Variants in ANO4 observed in about 807,000 individuals in gnomAD.
ANO4 encodes the protein anoctamin-4.
In ANO4, 69 loss-of-function variants were observed where a neutral mutation model predicts 141.9. The observed-to-expected ratio is 0.49, with a 90% CI of 0.40 to 0.59. ANO4 has a LOEUF of 0.59. Among genes scored for constraint, ANO4 ranks in the 20% least tolerant of loss-of-function variants. ANO4 has a pLI of 0.00. For missense variants in ANO4, 894 were observed against 1,162.2 expected, an observed-to-expected ratio of 0.77 and a Z score of 3.36; for synonymous variants, 350 against 394.3, an observed-to-expected ratio of 0.89 and a Z score of 1.33.
intron 1 of ANO4, 49 bp downstream of exon 1, chr12:100,795,076 C>A (rs1478953160): frequency 2.6e-5 from 4 of 152,712 alleles, no homozygotes; most frequent in African/African-American, 7.2e-5. Context: ...GTGAACTGAA[C>A]CGTTCGTTCC....
At chr12:100,840,242 G>C (rs1332364667) in intron 1 of ANO4, among the ~76,000 whole-genome samples, 1 of 152,148 alleles carries the variant, frequency 6.6e-6, no homozygotes, top group African/African-American at 2.4e-5. Flanking sequence ...GTGTCTTTGT[G>C]TCCCAGTTTG....
chr12:100,840,684 AGTT>A (rs376585813), intron 1 of ANO4, among the ~76,000 whole-genome samples: 10 of 152,254 alleles, frequency 6.6e-5, no homozygotes, highest in African/African-American at 2.4e-4. Context: ...AGCAATCATG[AGTT>A]GTTGTTTGTT....
At chr12:100,942,657 T>C in intron 5 of ANO4, 122 bp downstream of exon 5, 1 of 1,090,080 alleles carries the variant, frequency 9.2e-7, no homozygotes, top group Non-Finnish European at 1.3e-6. Context: ...AGTTTTCCAG[T>C]CTTCAGAGTT....
intron 9 of ANO4, among the ~76,000 whole-genome samples, chr12:101,023,807 G>A (rs998732614): frequency 2.0e-5 from 3 of 152,118 alleles, no homozygotes; most frequent in Non-Finnish European, 2.9e-5. Flanking sequence ...AACTACTAAT[G>A]GCCTGTAGAT....
At position 100,939,493 on chromosome 12, in the gene ANO4, G is replaced by T. The variant is rs182721075; in HGVS notation, c.297+42G>T. 2,357 of 1,602,054 alleles carry T rather than the reference G, an allele frequency of 1.5e-3. 33 individuals carry two copies. The highest frequency in any genetic ancestry group is 1.9e-4 in the Non-Finnish European group (221 of 1,172,200). On this transcript the variant is annotated intron_variant, in intron 4 of 27. Transcript: ENST00000392977. ...TCTTACAAATGTAATTCGTGATCCA[G>T]GCAGGAACCTGTGAAGCATGTTCCA... is the stretch of plus-strand genomic sequence containing the variant.
Position 100,722,146 on chromosome 12 carries a change from G to A in ANO4, c.22+4599G>A, listed in dbSNP as rs184289926. On this transcript the variant is annotated intron_variant, in intron 1 of 29. Coordinates refer to the ANO4 transcript ENST00000644049. ...TATTATCAACTCCTGCTCCTAGCCA[G>A]TATACTCTCAATCACCAAGTCCTGT... Among the ~76,000 whole-genome samples, 263 of 152,290 alleles carry A rather than the reference G, an allele frequency of 1.7e-3. 1 individual carries two copies. Among genetic ancestry groups the A allele is most frequent in the Admixed American group, 7.8e-3 (120 of 15,296 alleles).
At chr12:101,041,057 CTATT>C (rs1205996601) in intron 11 of ANO4, among the ~76,000 whole-genome samples, 2 of 152,150 alleles carry the variant, frequency 1.3e-5, no homozygotes, top group African/African-American at 4.8e-5. Flanking sequence ...TCTGACATCT[CTATT>C]TATTTAGAGG....
At chr12:100,895,751 G>C (rs989120214) in intron 1 of ANO4, among the ~76,000 whole-genome samples, 1 of 151,848 alleles carries the variant, frequency 6.6e-6, no homozygotes, top group East Asian at 1.9e-4. Flanking sequence ...TAGCAGAGAT[G>C]GGGTTTCACC....
At chr12:100,808,784 C>T (rs1478724559) in intron 1 of ANO4, among the ~76,000 whole-genome samples, 1 of 152,048 alleles carries the variant, frequency 6.6e-6, no homozygotes, top group Non-Finnish European at 1.5e-5. Context: ...TTCATTTTTT[C>T]TTTTATCTCT....
chr12:100,857,603 A>G (rs926973630), intron 1 of ANO4, among the ~76,000 whole-genome samples: 4 of 152,196 alleles, frequency 2.6e-5, no homozygotes, highest in Admixed American at 1.3e-4. Context: ...GCTGATACGC[A>G]GACAAGTGTG....
At chr12:100,944,805 T>C in intron 5 of ANO4, among the ~76,000 whole-genome samples, 1 of 152,180 alleles carries the variant, frequency 6.6e-6, no homozygotes, top group East Asian at 1.9e-4. Context: ...AAAGAAAATA[T>C]CCCTTGGCTG....
chr12:101,086,586 T>C (rs2049510054), intron 16 of ANO4, 74 bp from the exon 17 acceptor site: 1 of 1,550,452 alleles, frequency 6.4e-7, no homozygotes, highest in East Asian at 2.2e-5. Flanking sequence ...CATCAGAGGA[T>C]GTTCCAGGAA....
Position 100,777,269 on chromosome 12 carries a change from C to CTTT in ANO4, c.358+37191_358+37193dup, listed in dbSNP as rs71091463. Among the ~76,000 whole-genome samples the CTTT allele has an allele frequency of 4.1e-3, 207 of 50,620 alleles. 24 individuals are homozygous for CTTT. Among genetic ancestry groups the CTTT allele is most frequent in the Non-Finnish European group, 4.3e-3 (123 of 28,732 alleles). The allele number at this position is 50,620 out of a possible 152,430, so 33.2% of individuals were successfully genotyped here. A position where few individuals can be genotyped will look rare whatever the true frequency, so the allele number is the denominator to read the frequency against. ...CACCAAGTCCAGCTAATTTTTGTATCTTTTTTTTTTTTTTTTTTTTTTTTT... is the reference window on the plus strand; with the variant it reads ...CACCAAGTCCAGCTAATTTTTGTATCTTTTTTTTTTTTTTTTTTTTTTTTTTTT... On this transcript the variant is annotated intron_variant, in intron 3 of 29. Coordinates refer to the ANO4 transcript ENST00000644049.
chr12:100,847,952 G>A (rs1197250605), intron 1 of ANO4, among the ~76,000 whole-genome samples: 4 of 152,176 alleles, frequency 2.6e-5, no homozygotes, highest in African/African-American at 9.7e-5. Context: ...TAGGCCAGTT[G>A]AGATTGTATG....
At chr12:101,062,823 C>T (rs928588301) in intron 14 of ANO4, among the ~76,000 whole-genome samples, 35 of 152,198 alleles carry the variant, frequency 2.3e-4, no homozygotes, top group Non-Finnish European at 8.8e-5. Context: ...TGCTGGGCTC[C>T]GTAGGGGTGG....
At chr12:100,970,512 A>G (rs1006135890) in intron 5 of ANO4, among the ~76,000 whole-genome samples, 1 of 151,982 alleles carries the variant, frequency 6.6e-6, no homozygotes, top group African/African-American at 2.4e-5. Context: ...CTCAGCTCAC[A>G]TGTCACTTCC....
intron 24 of ANO4, among the ~76,000 whole-genome samples, chr12:101,114,739 T>A (rs2137031735): frequency 6.6e-6 from 1 of 152,148 alleles, no homozygotes; most frequent in African/African-American, 2.4e-5. Context: ...TAAAACTTAC[T>A]CCCTCTCTGT....
intron 4 of ANO4, 22 bp downstream of exon 4, chr12:100,939,473 C>G (rs1359387451): frequency 3.1e-6 from 5 of 1,608,468 alleles, no homozygotes; most frequent in East Asian, 2.2e-5. Flanking sequence ...TGATTTCTTA[C>G]AAATGTAATT....
upstream of ANO4, among the ~76,000 whole-genome samples, chr12:100,794,067 A>G (rs558791572): frequency 1.1e-4 from 16 of 152,340 alleles, no homozygotes; most frequent in African/African-American, 3.1e-4. Flanking sequence ...ACCTCTAACA[A>G]TATTTCTATA....
Sources: allele counts gnomAD v4.1 joint callset (sites outside exome capture counted in the v4.1 genomes callset), GRCh38; gene constraint gnomAD v4.1.1; transcripts MANE v1.5; gene names NCBI Gene and HGNC (gene_info 2026-07-23, HGNC 2026-07-21).